The following ABR variants were observed in gnomAD, a reference collection of about 807,000 sequenced individuals.
ABR encodes ABR activator of RhoGEF and GTPase, also known as active breakpoint cluster region-related protein.
A neutral mutation model predicts 107.2 loss-of-function variants in ABR; 35 were observed. The observed-to-expected ratio is 0.33, with a 90% confidence interval of 0.25 to 0.43. The LOEUF (loss-of-function observed/expected upper bound fraction) is 0.43. Ranked by LOEUF, ABR falls within the 20% of genes least tolerant of loss-of-function variation. The pLI is 1.00. For missense variants in ABR, 815 were observed against 1,115.2 expected, an observed-to-expected ratio of 0.73 and a Z score of 3.83; for synonymous variants, 498 against 462.0, an observed-to-expected ratio of 1.08 and a Z score of -1.00.
At chr17:1,127,155 C>T (rs537272866) in intron 1 of ABR, among the ~76,000 whole-genome samples, 1 of 152,360 alleles carries the variant, frequency 6.6e-6, no homozygotes, top group Non-Finnish European at 1.5e-5. Context: ...GAGCCAATGC[C>T]CCATTCAGCT....
At chr17:1,096,310 G>A (rs2037422457) in intron 3 of ABR, among the ~76,000 whole-genome samples, 1 of 152,186 alleles carries the variant, frequency 6.6e-6, no homozygotes, top group South Asian at 2.1e-4. Flanking sequence ...GTGTTCAGAT[G>A]AAAGCAAACA....
chr17:1,166,918 C>A (rs543698888), intron 1 of ABR, among the ~76,000 whole-genome samples: 10 of 152,282 alleles, frequency 6.6e-5, no homozygotes, highest in African/African-American at 1.9e-4. Context: ...AGGAGAATCG[C>A]TTGAACTGGG....
At position 1,050,763 on chromosome 17, in the gene ABR, C is replaced by G. The variant is rs11653072; in HGVS notation, c.1562-129G>C. On this transcript the variant is annotated intron_variant, in intron 14 of 22. Transcript: ENST00000302538. The surrounding 1 kb of genome is among the most constrained non-coding windows in gnomAD (Gnocchi z 4.6). ...CGTCCCCACGGATGGCATCTTGGCT[C>G]TCTCCTCCCTGAAGCCCGGGACCAT... The G allele has an allele frequency of 0.17, 125,548 of 736,766 alleles. 12,886 individuals carry two copies. The highest frequency in any genetic ancestry group is 0.24 in the Middle Eastern group (686 of 2,846). The allele number at this position is 736,766 out of a possible 1,614,324, so 45.6% of individuals were successfully genotyped here. A position where few individuals can be genotyped will look rare whatever the true frequency, so the allele number is the denominator to read the frequency against.
At chr17:1,028,235 T>G (rs368168985) in intron 16 of ABR, among the ~76,000 whole-genome samples, 5 of 149,806 alleles carry the variant, frequency 3.3e-5, no homozygotes, top group Admixed American at 6.7e-5. Flanking sequence ...GGATTACAGG[T>G]GCCCGCCACC....
In ABR at chr17:1,070,370, A is replaced by C. The variant is rs376501790; in HGVS notation, c.895-280T>G. 5.3e-5 allele frequency among the ~76,000 whole-genome samples: 8 copies of C among 152,284 alleles called. No homozygotes were observed. In the East Asian group the frequency reaches 1.4e-3, roughly 26 times the overall value. On this transcript the variant is annotated intron_variant, in intron 8 of 22. Coordinates refer to ENST00000302538, the MANE Select transcript of ABR (RefSeq NM_021962.5). The surrounding 1 kb of genome is among the most constrained non-coding windows in gnomAD (Gnocchi z 4.2). The stretch of plus-strand genomic sequence containing the variant: ...TGCGGACAGTGAGGTCTGCCTCATA[A>C]GGTGACTCATCGAGATGGTGCATGT...
At position 1,009,863 on chromosome 17, in the gene ABR, C is replaced by T. The variant is rs1456136584; in HGVS notation, c.2237-79G>A. 7 of 1,304,680 alleles carry T rather than the reference C, an allele frequency of 5.4e-6. No individual in the cohort carries two copies. In the East Asian group the frequency reaches 1.2e-4, roughly 22 times the overall value. The allele number at this position is 1,304,680 out of a possible 1,614,324, so 80.8% of individuals were successfully genotyped here. ...GCCCCTGTGGTCGTGAGGCTGTGGG[C>T]CCCTGCGGGAGAGAGCCCAGGCTTC... On this transcript the variant is annotated intron_variant, in intron 20 of 22. Coordinates refer to ENST00000302538, the MANE Select transcript of ABR (RefSeq NM_021962.5).
chr17:1,030,861 G>A (rs1048424814), intron 16 of ABR, among the ~76,000 whole-genome samples: 2 of 152,250 alleles, frequency 1.3e-5, no homozygotes, highest in African/African-American at 4.8e-5. Flanking sequence ...GATTTGATCT[G>A]CAGAGTTATC....
intron 7 of ABR, 68 bp downstream of exon 7, chr17:1,073,557 C>G: frequency 7.6e-7 from 1 of 1,314,448 alleles, no homozygotes; most frequent in Non-Finnish European, 1.0e-6. Flanking sequence ...CCAGCACCCT[C>G]TCACCCAGGC....
intron 1 of ABR, among the ~76,000 whole-genome samples, chr17:1,211,977 G>A (rs2042911205): frequency 6.6e-6 from 1 of 152,016 alleles, no homozygotes; most frequent in South Asian, 2.1e-4. Flanking sequence ...AGCTACTCGG[G>A]AGGCTGAGGC....
intron 1 of ABR, among the ~76,000 whole-genome samples, chr17:1,169,192 A>T (rs67861065): frequency 0.36 from 55,256 of 152,130 alleles, 12,520 homozygotes; most frequent in Non-Finnish European, 0.5. Flanking sequence ...ACGCAGGAAG[A>T]GGGTGAGCAG....
intron 10 of ABR, among the ~76,000 whole-genome samples, chr17:1,063,520 G>T (rs2034306586): frequency 1.4e-5 from 2 of 144,824 alleles, no homozygotes; most frequent in Admixed American, 7.0e-5. Context: ...AGACACTGTT[G>T]TTATGTGAAC....
At chr17:1,057,889 G>A in intron 12 of ABR, 81 bp downstream of exon 12, 4 of 1,293,162 alleles carry the variant, frequency 3.1e-6, no homozygotes, top group Non-Finnish European at 4.5e-6. Context: ...ACGTGATACT[G>A]GACATGAAAC....
At chr17:1,057,698 TGTGTGA>T in intron 12 of ABR, 2 of 421,474 alleles carry the variant, frequency 4.7e-6, no homozygotes, top group Admixed American at 3.5e-5. Context: ...TGTGTGTGTG[TGTGTGA>T]GAGAGAGAGA....
chr17:1,221,134 C>T (rs2043113182), intron 1 of ABR, among the ~76,000 whole-genome samples: 1 of 152,332 alleles, frequency 6.6e-6, no homozygotes, highest in South Asian at 2.1e-4. Flanking sequence ...CACTAGCTGC[C>T]TACGCAATAT....
chr17:1,156,590 A>C (rs2041052831), intron 1 of ABR, among the ~76,000 whole-genome samples: 1 of 152,248 alleles, frequency 6.6e-6, no homozygotes, highest in East Asian at 1.9e-4. Context: ...AGGTTGAGGC[A>C]GGAGAATCAC....
chr17:1,193,014 C>T (rs1259165990), intron 1 of ABR, among the ~76,000 whole-genome samples: 2 of 152,162 alleles, frequency 1.3e-5, no homozygotes, highest in African/African-American at 2.4e-5. Flanking sequence ...CGCCATTGCA[C>T]TCCAGCCTGA....
At chr17:1,196,973 C>T (rs887564000) in intron 1 of ABR, among the ~76,000 whole-genome samples, 11 of 151,762 alleles carry the variant, frequency 7.2e-5, no homozygotes, top group Admixed American at 6.6e-4. Flanking sequence ...GGATGACAGG[C>T]GTGAGCCACC....
chr17:1,159,931 C>T (rs1259758932), intron 1 of ABR, among the ~76,000 whole-genome samples: 24 of 152,298 alleles, frequency 1.6e-4, no homozygotes, highest in Admixed American at 4.6e-4. Flanking sequence ...CTGATCTCGG[C>T]GAGGGATGAG....
At chr17:1,116,017 G>A (rs1253930755) in intron 2 of ABR, among the ~76,000 whole-genome samples, 6 of 145,444 alleles carry the variant, frequency 4.1e-5, no homozygotes, top group East Asian at 4.2e-4. Context: ...ACCTGAGGTT[G>A]GGAGTTCAAG....
Sources: gnomAD v4.1 joint callset for allele counts (sites outside exome capture counted in the v4.1 genomes callset) on GRCh38, gnomAD v4.1.1 for gene constraint, Gnocchi (gnomAD v3.1) non-coding constraint, MANE v1.5 for transcripts, NCBI Gene and HGNC (gene_info 2026-07-23, HGNC 2026-07-21) for gene names.